The following GSDMC variants were observed in gnomAD, a reference collection of about 807,000 sequenced individuals.
The protein encoded by GSDMC is gasdermin-C.
GSDMC carries 59 observed loss-of-function variants against 58.0 expected under a neutral mutation model. The ratio of observed to expected loss-of-function variants is 1.02; its 90% confidence interval spans 0.82 to 1.26. GSDMC has a LOEUF of 1.26. Ranked by LOEUF, GSDMC falls within the 50% of genes most tolerant of loss-of-function variation. The pLI, the probability that GSDMC is intolerant of heterozygous loss-of-function variation, is 0.00. For synonymous variants in GSDMC, 241 were observed against 220.2 expected, an observed-to-expected ratio of 1.09 and a Z score of -0.83; for missense variants, 659 against 598.5, an observed-to-expected ratio of 1.10 and a Z score of -1.06.
chr8:129,716,455 G>T, the GSDMC span, among the ~76,000 whole-genome samples: 4 of 152,002 alleles, frequency 2.6e-5, no homozygotes, highest in Non-Finnish European at 5.9e-5. Context: ...TGTGATTTTT[G>T]CACACTGATT....
chr8:129,744,819 A>C (rs900692742), downstream of GSDMC, among the ~76,000 whole-genome samples: 9 of 152,244 alleles, frequency 5.9e-5, no homozygotes, highest in South Asian at 2.1e-4. Flanking sequence ...AGGAAACTAG[A>C]AAACATACTA....
rs561514670 is a variant in GSDMC, at chr8:129,762,262, C to A, written c.676+364G>T. ...GACCTTAATGTGGGGTTATGGGTAA[C>A]CTTGGGTAAGCCTCTGTGGCTGATG... On this transcript the variant is annotated intron_variant, in intron 5 of 13. Coordinates refer to ENST00000276708, the MANE Select transcript of GSDMC (RefSeq NM_031415.3). Among the ~76,000 whole-genome samples the A allele has an allele frequency of 6.4e-4, 97 of 152,198 alleles. 1 individual carries two copies. In the South Asian group the frequency reaches 0.02, roughly 31 times the overall value.
chr8:129,714,090 G>A, the GSDMC span, among the ~76,000 whole-genome samples: 4 of 152,162 alleles, frequency 2.6e-5, no homozygotes, highest in African/African-American at 4.8e-5. Flanking sequence ...TGCAGACAGG[G>A]AGTGACAGCC....
the GSDMC span, chr8:129,728,661 AG>A: frequency 3.4e-6 from 1 of 292,370 alleles, no homozygotes; most frequent in South Asian, 4.9e-5. Flanking sequence ...CTAGTAAACA[AG>A]GATCAAGTAT....
At chr8:129,755,889 C>T (rs1295579774) in intron 6 of GSDMC, among the ~76,000 whole-genome samples, 1 of 124,650 alleles carries the variant, frequency 8.0e-6, no homozygotes, top group East Asian at 2.3e-4. Context: ...AAACAAAAAG[C>T]AAAAAAAAAA....
At chr8:129,710,035 G>C in the GSDMC span, among the ~76,000 whole-genome samples, 7 of 152,242 alleles carry the variant, frequency 4.6e-5, no homozygotes, top group African/African-American at 1.4e-4. Flanking sequence ...ATGACACACA[G>C]TTGGTAATTA....
chr8:129,716,124 A>T, the GSDMC span, among the ~76,000 whole-genome samples: 5 of 152,208 alleles, frequency 3.3e-5, no homozygotes, highest in South Asian at 6.2e-4. Context: ...ATTTTTTTAA[A>T]AAGTGGCAAG....
the GSDMC span, among the ~76,000 whole-genome samples, chr8:129,718,990 AC>A: frequency 6.6e-6 from 1 of 152,294 alleles, no homozygotes; most frequent in East Asian, 1.9e-4. Context: ...CAATGAGAAC[AC>A]ACGGACACAG....
intron 6 of GSDMC, among the ~76,000 whole-genome samples, chr8:129,759,620 C>T (rs151163037): frequency 2.6e-4 from 39 of 152,284 alleles, no homozygotes; most frequent in African/African-American, 8.2e-4. Context: ...ATGTGCTCAA[C>T]ATCACTGATC....
chr8:129,733,810 G>C, the GSDMC span, among the ~76,000 whole-genome samples: 4 of 152,264 alleles, frequency 2.6e-5, no homozygotes, highest in East Asian at 7.7e-4. Flanking sequence ...AAACAAAGCT[G>C]GATGGAGAAT....
chr8:129,750,363 G>A, intron 11 of GSDMC, 68 bp downstream of exon 11: 1 of 1,435,244 alleles, frequency 7.0e-7, no homozygotes, highest in Non-Finnish European at 9.5e-7. Context: ...TGTAACTTGG[G>A]AGTCATATCT....
At chr8:129,760,396 G>A (rs1215313224) in intron 6 of GSDMC, 149 bp downstream of exon 6, 2 of 500,636 alleles carry the variant, frequency 4.0e-6, no homozygotes, top group Non-Finnish European at 7.1e-6. Context: ...AAGGATAAAT[G>A]TTTGAGAAGA....
the GSDMC span, among the ~76,000 whole-genome samples, chr8:129,724,779 T>C: frequency 3.3e-5 from 5 of 152,178 alleles, no homozygotes; most frequent in African/African-American, 7.2e-5. Flanking sequence ...AGAATTCACA[T>C]AATCCTCCTC....
intron 5 of GSDMC, 47 bp from the exon 6 acceptor site, chr8:129,760,636 T>TGCCTGAGTCTTTCCATA: frequency 9.2e-7 from 1 of 1,083,594 alleles, no homozygotes; most frequent in Non-Finnish European, 1.4e-6. Flanking sequence ...AGGTTATTCC[T>TGCCTGAGTCTTTCCATA]GCCTGAACCT....
At chr8:129,770,072 ACT>A (rs1365673816) in intron 3 of GSDMC, among the ~76,000 whole-genome samples, 2 of 152,218 alleles carry the variant, frequency 1.3e-5, no homozygotes, top group Non-Finnish European at 2.9e-5. Context: ...ATTAAAAATA[ACT>A]CTATAATAAT....
At chr8:129,766,152 G>A (rs1586599822) in intron 3 of GSDMC, among the ~76,000 whole-genome samples, 1 of 152,202 alleles carries the variant, frequency 6.6e-6, no homozygotes, top group Admixed American at 6.5e-5. Context: ...ACAGTCTTTA[G>A]GAGGTCCTGT....
the GSDMC span, among the ~76,000 whole-genome samples, chr8:129,739,392 C>A: frequency 6.6e-6 from 1 of 152,174 alleles, no homozygotes; most frequent in African/African-American, 2.4e-5. Context: ...GAAAAAAATG[C>A]AGAAAAGTTC....
chr8:129,765,871 C>T, intron 3 of GSDMC, 78 bp from the exon 4 acceptor site: 2 of 1,230,636 alleles, frequency 1.6e-6, no homozygotes, highest in South Asian at 2.7e-5. Flanking sequence ...TGCCCTTCTC[C>T]CCAAGACCTG....
the GSDMC span, among the ~76,000 whole-genome samples, chr8:129,706,139 T>C: frequency 6.6e-6 from 1 of 152,160 alleles, no homozygotes; most frequent in Non-Finnish European, 1.5e-5. Flanking sequence ...GAGGAGGGGC[T>C]CAGGTGTAGA....
Sources: allele counts gnomAD v4.1 joint callset (sites outside exome capture counted in the v4.1 genomes callset), GRCh38; gene constraint gnomAD v4.1.1; transcripts MANE v1.5; gene names NCBI Gene and HGNC (gene_info 2026-07-23, HGNC 2026-07-21).